Variants in LHPP observed in about 807,000 individuals in gnomAD.
LHPP encodes the protein hLHPP.
A neutral mutation model predicts 30.3 loss-of-function variants in LHPP; 24 were observed. The ratio of observed to expected loss-of-function variants is 0.79; its 90% CI spans 0.57 to 1.11. LHPP has a LOEUF of 1.11. Among genes scored for constraint, LHPP ranks in the 50% most tolerant of loss-of-function variants. The pLI, the probability that LHPP is intolerant of heterozygous loss-of-function variation, is 0.00. For synonymous variants in LHPP, 150 were observed against 157.1 expected (o/e 0.95, Z 0.34); for missense variants, 356 against 367.2 (o/e 0.97, Z 0.25).
In LHPP at chr10:124,524,635, A is replaced by G. The variant is rs571918804; in HGVS notation, c.716+7364A>G. Among the ~76,000 whole-genome samples the G allele has an allele frequency of 3.9e-5, 6 of 152,116 alleles. No individual in the cohort carries two copies. In the South Asian group the frequency reaches 1.0e-3, roughly 26 times the overall value. ...AATTAAATTGGCCCAGGAGTTTGAG[A>G]CCAGCCTGGGCAACATAGCGAGACC... On this transcript the variant is annotated intron_variant, in intron 6 of 6. Coordinates refer to ENST00000368842, the MANE Select transcript of LHPP (RefSeq NM_022126.4).
intron 6 of LHPP, among the ~76,000 whole-genome samples, chr10:124,535,783 G>A (rs2133937554): frequency 6.6e-6 from 1 of 152,352 alleles, no homozygotes; most frequent in South Asian, 2.1e-4. Flanking sequence ...CAGAGGCCAG[G>A]TATCAGGAGG....
intron 2 of LHPP, among the ~76,000 whole-genome samples, chr10:124,484,591 C>G (rs771298574): frequency 4.0e-5 from 6 of 151,538 alleles, no homozygotes; most frequent in South Asian, 2.1e-4. Context: ...ATCCTAGGCT[C>G]TCTTTCCTGA....
chr10:124,554,035 TAGA>T (rs1948241340), intron 6 of LHPP: 4 of 985,426 alleles, frequency 4.1e-6, no homozygotes, highest in Non-Finnish European at 4.8e-6. Flanking sequence ...CCACTGCAGA[TAGA>T]AGAAGGCCTC....
At chr10:124,500,832 GC>G (rs1953877396) in intron 5 of LHPP, among the ~76,000 whole-genome samples, 1 of 151,980 alleles carries the variant, frequency 6.6e-6, no homozygotes, top group Non-Finnish European at 1.5e-5. Flanking sequence ...GCCACGGAAA[GC>G]CACTTGGTGG....
At position 124,496,936 on chromosome 10, in the gene LHPP, C is replaced by A. The variant is rs200256756; in HGVS notation, c.468-25C>A. ...GGTCAGCTCCCCGTGCTCAGCATCC[C>A]GTGCTCCGTTCTGCTCTCTCCTAGG... On this transcript the variant is annotated intron_variant, in intron 3 of 6. Coordinates refer to ENST00000368842, the MANE Select transcript of LHPP (RefSeq NM_022126.4). The surrounding 1 kb of genome is among the most constrained non-coding windows in gnomAD (Gnocchi z 4.3). The A allele has an allele frequency of 1.3e-5, 21 of 1,606,884 alleles. No homozygotes were observed. In the Admixed American group the frequency reaches 3.6e-4, roughly 27 times the overall value.
At chr10:124,487,416 C>T (rs1438364092) in intron 2 of LHPP, among the ~76,000 whole-genome samples, 1 of 150,814 alleles carries the variant, frequency 6.6e-6, no homozygotes, top group Non-Finnish European at 1.5e-5. Context: ...AATCGTATCT[C>T]ATTGTGTATT....
rs986918234 is a variant in LHPP at position 124,541,083 on chromosome 10, A to G, written c.716+23812A>G. Among the ~76,000 whole-genome samples the G allele has an allele frequency of 2.0e-5, 3 of 152,192 alleles. No homozygotes were observed. Among genetic ancestry groups the G allele is most frequent in the East Asian group, 3.8e-4 (2 of 5,204 alleles). ...GAGGAAGGGGCCCCCCAAATCACAA[A>G]GTGGCCCTGGGCCCTGGGATGGCCG... On this transcript the variant is annotated intron_variant, in intron 6 of 6. Transcript: ENST00000368842. This position sits in a 1 kb window ranked among gnomAD's most constrained non-coding sequence, Gnocchi z 4.2.
chr10:124,539,186 T>A (rs1465079191), intron 6 of LHPP, among the ~76,000 whole-genome samples: 1 of 152,142 alleles, frequency 6.6e-6, no homozygotes, highest in Non-Finnish European at 1.5e-5. Context: ...ACTCCCCTCG[T>A]CCTGAGCTCT....
intron 6 of LHPP, among the ~76,000 whole-genome samples, chr10:124,594,929 C>A (rs1589703552): frequency 6.6e-6 from 1 of 152,194 alleles, no homozygotes; most frequent in African/African-American, 2.4e-5. Flanking sequence ...CCGCACCCAG[C>A]CCCTTTGCTC....
intron 5 of LHPP, among the ~76,000 whole-genome samples, chr10:124,506,916 G>GCA (rs1207964348): frequency 6.3e-5 from 2 of 31,780 alleles, no homozygotes; most frequent in Non-Finnish European, 1.2e-4. Flanking sequence ...TTTCAGGTTG[G>GCA]GGGGTAGACA....
chr10:124,550,411 G>T (rs773825692), intron 6 of LHPP, among the ~76,000 whole-genome samples: 3 of 152,298 alleles, frequency 2.0e-5, no homozygotes, highest in African/African-American at 4.8e-5. Flanking sequence ...CCTCCTTTGC[G>T]CCCACGCTGC....
intron 5 of LHPP, among the ~76,000 whole-genome samples, chr10:124,507,182 A>T (rs1354770763): frequency 5.6e-5 from 2 of 35,446 alleles, no homozygotes; most frequent in Admixed American, 4.0e-4. Flanking sequence ...ATTTCAGGTC[A>T]GGGGGATAGA....
chr10:124,563,272 G>C (rs996598954), intron 6 of LHPP, among the ~76,000 whole-genome samples: 2 of 147,360 alleles, frequency 1.4e-5, no homozygotes, highest in Non-Finnish European at 3.0e-5. Context: ...TCATGCAATA[G>C]TACTCAGCAA....
intron 3 of LHPP, among the ~76,000 whole-genome samples, chr10:124,495,032 C>A (rs963394727): frequency 6.6e-6 from 1 of 152,224 alleles, no homozygotes; most frequent in Admixed American, 6.5e-5. Flanking sequence ...AACCATCAGA[C>A]CAAAGTAGCT....
At chr10:124,503,211 C>T (rs1307420996) in intron 5 of LHPP, among the ~76,000 whole-genome samples, 1 of 151,718 alleles carries the variant, frequency 6.6e-6, no homozygotes, top group African/African-American at 2.4e-5. Flanking sequence ...GGATTACAGG[C>T]ATGTGCCACC....
intron 1 of LHPP, among the ~76,000 whole-genome samples, chr10:124,467,453 G>A (rs1000091739): frequency 6.6e-6 from 1 of 151,862 alleles, no homozygotes; most frequent in African/African-American, 2.4e-5. Flanking sequence ...CAAGTTCCTG[G>A]CCTGGTGTTT....
At chr10:124,508,748 C>A (rs1290667245) in intron 5 of LHPP, among the ~76,000 whole-genome samples, 1 of 152,170 alleles carries the variant, frequency 6.6e-6, no homozygotes, top group Non-Finnish European at 1.5e-5. Flanking sequence ...CAGAATAACA[C>A]AAATCATGCT....
At chr10:124,543,273 G>A (rs1005929497) in intron 6 of LHPP, among the ~76,000 whole-genome samples, 1 of 152,254 alleles carries the variant, frequency 6.6e-6, no homozygotes, top group African/African-American at 2.4e-5. Context: ...CAGAGGGACA[G>A]GAGTTTGTGG....
intron 6 of LHPP, among the ~76,000 whole-genome samples, chr10:124,578,823 A>G (rs1194122300): frequency 2.0e-5 from 3 of 152,280 alleles, no homozygotes; most frequent in East Asian, 3.9e-4. Flanking sequence ...TGCCTGGCAC[A>G]TTTTGTCCTG....
Sources: gnomAD v4.1 joint callset for allele counts (sites outside exome capture counted in the v4.1 genomes callset) on GRCh38, gnomAD v4.1.1 for gene constraint, Gnocchi (gnomAD v3.1) non-coding constraint, MANE v1.5 for transcripts, NCBI Gene and HGNC (gene_info 2026-07-23, HGNC 2026-07-21) for gene names.